The following RGS6 variants were observed in gnomAD, a reference collection of about 807,000 sequenced individuals.
RGS6 encodes the protein regulator of G protein signaling 6, also known as regulator of G-protein signaling 6.
Under a neutral mutation model 78.5 loss-of-function variants are expected in RGS6, and 30 were observed. The ratio of observed to expected loss-of-function variants is 0.38; its 90% CI spans 0.29 to 0.52. The LOEUF (loss-of-function observed/expected upper bound fraction) is 0.52, where lower values mean the gene tolerates loss of function less well. Among genes scored for constraint, RGS6 ranks in the 20% least tolerant of loss-of-function variants. The pLI is 0.85. For synonymous variants in RGS6, 206 were observed against 206.0 expected (o/e 1.00, Z 0.00); for missense variants, 495 against 609.7 (o/e 0.81, Z 1.98).
At chr14:72,189,829 T>C (rs1217227897) in intron 2 of RGS6, among the ~76,000 whole-genome samples, 1 of 152,094 alleles carries the variant, frequency 6.6e-6, no homozygotes, top group East Asian at 1.9e-4. Context: ...AAGATTCAGG[T>C]CCATCAGGTC....
At chr14:72,314,735 A>T (rs564430453) in intron 2 of RGS6, among the ~76,000 whole-genome samples, 2 of 152,352 alleles carry the variant, frequency 1.3e-5, no homozygotes, top group East Asian at 1.9e-4. Context: ...CTGCTGAGAC[A>T]AGCCAACAGG....
At chr14:72,043,304 A>AG (rs2092577593) in intron 2 of RGS6, among the ~76,000 whole-genome samples, 2 of 152,194 alleles carry the variant, frequency 1.3e-5, no homozygotes, top group African/African-American at 4.8e-5. Context: ...GCCTGCAGTC[A>AG]CACACCATCC....
chr14:72,088,396 T>A (rs565593585), intron 2 of RGS6, among the ~76,000 whole-genome samples: 3 of 151,974 alleles, frequency 2.0e-5, no homozygotes, highest in Non-Finnish European at 4.4e-5. Flanking sequence ...GGCTGAGAGG[T>A]CTCAGCTCAG....
At chr14:71,983,911 C>G (rs2094570067) in intron 2 of RGS6, among the ~76,000 whole-genome samples, 2 of 152,216 alleles carry the variant, frequency 1.3e-5, no homozygotes, top group African/African-American at 2.4e-5. Flanking sequence ...CTGCAAAGAT[C>G]AAATGAACAA....
chr14:72,152,255 T>A (rs1454718303), intron 2 of RGS6, among the ~76,000 whole-genome samples: 3 of 151,544 alleles, frequency 2.0e-5, no homozygotes, highest in Non-Finnish European at 4.4e-5. Context: ...AGTGTGTGTG[T>A]GTGTGTGTGT....
chr14:72,606,138 G>A, the RGS6 span, among the ~76,000 whole-genome samples: 20 of 151,938 alleles, frequency 1.3e-4, no homozygotes, highest in African/African-American at 7.2e-5. Context: ...TGGCCTCATC[G>A]TGTCTGGTAT....
chr14:71,982,364 G>A (rs1353129774), intron 2 of RGS6, among the ~76,000 whole-genome samples: 1 of 152,184 alleles, frequency 6.6e-6, no homozygotes, highest in Non-Finnish European at 1.5e-5. Flanking sequence ...TAATATAGAA[G>A]ACATCATTTA....
At chr14:72,458,560 AG>A (rs889554778) in intron 5 of RGS6, among the ~76,000 whole-genome samples, 183 bp downstream of exon 5, 3 of 152,336 alleles carry the variant, frequency 2.0e-5, no homozygotes, top group Admixed American at 6.5e-5. Flanking sequence ...GAATAGTAAA[AG>A]GCTGTCATTG....
the RGS6 span, among the ~76,000 whole-genome samples, chr14:71,890,094 C>T: frequency 2.2e-4 from 34 of 152,212 alleles, no homozygotes; most frequent in Non-Finnish European, 4.3e-4. Flanking sequence ...CCTGCAGAAC[C>T]GTGAGTCAGT....
chr14:72,608,543 C>T, the RGS6 span, among the ~76,000 whole-genome samples: 1 of 152,046 alleles, frequency 6.6e-6, no homozygotes, highest in Admixed American at 6.5e-5. Context: ...CAACCATATT[C>T]CCCCACCTCT....
At chr14:72,273,553 G>A (rs533851952) in intron 2 of RGS6, among the ~76,000 whole-genome samples, 1 of 152,262 alleles carries the variant, frequency 6.6e-6, no homozygotes, top group South Asian at 2.1e-4. Flanking sequence ...TAGTGCAAGG[G>A]CCCTATTAAG....
chr14:72,336,141 G>C (rs2075980596), intron 2 of RGS6, among the ~76,000 whole-genome samples: 1 of 152,168 alleles, frequency 6.6e-6, no homozygotes, highest in East Asian at 1.9e-4. Context: ...TTGGGCTACT[G>C]AGTCACTTAT....
At chr14:72,282,553 G>A (rs989476156) in intron 2 of RGS6, among the ~76,000 whole-genome samples, 11 of 152,262 alleles carry the variant, frequency 7.2e-5, no homozygotes, top group Non-Finnish European at 1.6e-4. Context: ...TTTAAGACAT[G>A]AGCCCAATTT....
At chr14:72,029,927 T>G (rs1368899434) in intron 2 of RGS6, among the ~76,000 whole-genome samples, 1 of 152,224 alleles carries the variant, frequency 6.6e-6, no homozygotes, top group East Asian at 1.9e-4. Flanking sequence ...AGTAGTCTGC[T>G]TTCATAGATA....
intron 2 of RGS6, among the ~76,000 whole-genome samples, chr14:72,025,516 C>T (rs1177998358): frequency 6.6e-6 from 1 of 151,962 alleles, no homozygotes; most frequent in East Asian, 1.9e-4. Flanking sequence ...CAAAATTGGA[C>T]AGGAAGGATA....
chr14:72,404,642 C>A (rs2092761114), intron 3 of RGS6, among the ~76,000 whole-genome samples: 1 of 152,204 alleles, frequency 6.6e-6, no homozygotes, highest in Non-Finnish European at 1.5e-5. Context: ...AACTGATGAA[C>A]CAAATTAAAG....
At chr14:72,520,260 G>T (rs2097017752) in intron 15 of RGS6, among the ~76,000 whole-genome samples, 1 of 152,124 alleles carries the variant, frequency 6.6e-6, no homozygotes, top group South Asian at 2.1e-4. Flanking sequence ...TAGATCCTTT[G>T]TCCTGTAAAG....
At chr14:72,448,933 C>A (rs1407614300) in intron 3 of RGS6, among the ~76,000 whole-genome samples, 5 of 152,108 alleles carry the variant, frequency 3.3e-5, no homozygotes, top group Non-Finnish European at 5.9e-5. Context: ...ATATTGGACA[C>A]AATTATTGTC....
intron 17 of RGS6, among the ~76,000 whole-genome samples, chr14:72,557,623 A>C (rs1265024787): frequency 6.6e-6 from 1 of 152,114 alleles, no homozygotes; most frequent in Non-Finnish European, 1.5e-5. Context: ...AGCACCATCT[A>C]TTCAAAGGTG....
Sources: allele counts gnomAD v4.1 joint callset (sites outside exome capture counted in the v4.1 genomes callset), GRCh38; gene constraint gnomAD v4.1.1; transcripts MANE v1.5; gene names NCBI Gene and HGNC (gene_info 2026-07-23, HGNC 2026-07-21).